Variants in CTNNA3 observed in about 807,000 individuals in gnomAD.
CTNNA3 encodes the protein catenin alpha 3, also known as catenin alpha-3.
A neutral mutation model predicts 95.7 loss-of-function variants in CTNNA3; 76 were observed. The ratio of observed to expected loss-of-function variants is 0.79; its 90% CI spans 0.66 to 0.96. The LOEUF (loss-of-function observed/expected upper bound fraction) is 0.96. Ranked by LOEUF, CTNNA3 falls within the 40% of genes least tolerant of loss-of-function variation. The pLI is 0.00. For missense variants in CTNNA3, 1,191 were observed against 1,089.8 expected (o/e 1.09, Z -1.31); for synonymous variants, 431 against 374.4 (o/e 1.15, Z -1.74).
At chr10:65,978,742 A>G (rs144498611) in intron 16 of CTNNA3, among the ~76,000 whole-genome samples, 38 of 152,250 alleles carry the variant, frequency 2.5e-4, no homozygotes, top group African/African-American at 8.7e-4. Context: ...AACTATCTCA[A>G]TGAAGAATGC....
chr10:66,094,559 A>T (rs565026241), intron 14 of CTNNA3, among the ~76,000 whole-genome samples: 1 of 152,242 alleles, frequency 6.6e-6, no homozygotes, highest in African/African-American at 2.4e-5. Flanking sequence ...CCAAGATGGC[A>T]TGAATGTTCC....
Position 67,213,644 on chromosome 10 carries a change from C to G in CTNNA3, c.843+5963G>C, listed in dbSNP as rs183734022. On this transcript the variant is annotated intron_variant, in intron 6 of 17. Transcript: ENST00000433211. Reference sequence around the variant, plus strand: ...AAGTTTTGTTGTTATTATACATTATCATTATTTCTCAGTTATAAGTATTTT... The same window carrying G: ...AAGTTTTGTTGTTATTATACATTATGATTATTTCTCAGTTATAAGTATTTT... Among the ~76,000 whole-genome samples, 641 of 151,816 alleles carry G rather than the reference C, an allele frequency of 4.2e-3. 6 individuals are homozygous for G. The highest frequency in any genetic ancestry group is 0.015 in the African/African-American group (609 of 41,512).
intron 3 of CTNNA3, among the ~76,000 whole-genome samples, chr10:67,594,371 A>C (rs1842873155): frequency 1.3e-5 from 2 of 152,122 alleles, no homozygotes; most frequent in Non-Finnish European, 2.9e-5. Flanking sequence ...TTGTGAATTC[A>C]TCTGTTCCAG....
intron 11 of CTNNA3, among the ~76,000 whole-genome samples, chr10:66,422,395 A>G (rs1048808646): frequency 6.6e-6 from 1 of 152,154 alleles, no homozygotes; most frequent in Non-Finnish European, 1.5e-5. Flanking sequence ...CAGTTTCTCC[A>G]TATCTCTCAC....
chr10:66,178,309 T>C (rs1229215439), intron 13 of CTNNA3, among the ~76,000 whole-genome samples: 1 of 149,660 alleles, frequency 6.7e-6, no homozygotes, highest in Non-Finnish European at 1.5e-5. Flanking sequence ...TATATGTATG[T>C]GTATATATTA....
At chr10:66,149,597 C>A (rs2133901967) in intron 13 of CTNNA3, among the ~76,000 whole-genome samples, 1 of 146,490 alleles carries the variant, frequency 6.8e-6, no homozygotes, top group Middle Eastern at 5.3e-3. Context: ...CACCCTTACA[C>A]TTTTAAAATA....
intron 12 of CTNNA3, among the ~76,000 whole-genome samples, chr10:66,334,194 C>A (rs904693790): frequency 2.6e-5 from 4 of 151,570 alleles, no homozygotes; most frequent in Admixed American, 2.6e-4. Context: ...GTTTGCCAGT[C>A]TGTCTTTTAA....
chr10:66,508,439 T>C (rs1840542003), intron 11 of CTNNA3, among the ~76,000 whole-genome samples: 1 of 152,048 alleles, frequency 6.6e-6, no homozygotes, highest in African/African-American at 2.4e-5. Flanking sequence ...GTTTTTAAAG[T>C]TGCTTTCAGT....
chr10:66,487,832 T>G (rs1360005377), intron 11 of CTNNA3, among the ~76,000 whole-genome samples: 7 of 152,196 alleles, frequency 4.6e-5, no homozygotes, highest in Non-Finnish European at 1.5e-5. Flanking sequence ...TAAATTTACT[T>G]AAGAAATACC....
At chr10:66,994,314 C>G (rs1851207959) in intron 7 of CTNNA3, among the ~76,000 whole-genome samples, 1 of 152,154 alleles carries the variant, frequency 6.6e-6, no homozygotes, top group African/African-American at 2.4e-5. Context: ...GTTTGCCTGG[C>G]CTTTGCTAAT....
At chr10:66,374,604 GCCTTTTT>G (rs1436388586) in intron 12 of CTNNA3, among the ~76,000 whole-genome samples, 2 of 129,090 alleles carry the variant, frequency 1.5e-5, no homozygotes, top group African/African-American at 2.9e-5. Context: ...TGAAAGAAAA[GCCTTTTT>G]TTTTTTTTTT....
At chr10:67,158,844 A>G (rs191782699) in intron 7 of CTNNA3, among the ~76,000 whole-genome samples, 71 of 152,192 alleles carry the variant, frequency 4.7e-4, no homozygotes, top group African/African-American at 1.7e-3. Context: ...ATTACAAAAA[A>G]AAAAAGTAAC....
intron 10 of CTNNA3, among the ~76,000 whole-genome samples, chr10:66,606,518 T>A (rs1844128204): frequency 6.6e-6 from 1 of 152,066 alleles, no homozygotes; most frequent in Non-Finnish European, 1.5e-5. Flanking sequence ...CAATCAGACA[T>A]AACACACTCC....
In CTNNA3 at chr10:66,148,325, A is replaced by C. The variant is rs374416282; in HGVS notation, c.1885-45076T>G. 1.3e-4 allele frequency among the ~76,000 whole-genome samples: 20 copies of C among 152,276 alleles called. No homozygotes were observed. The East Asian group carries it at 3.9e-3, about 29-fold the overall frequency. On this transcript the variant is annotated intron_variant, in intron 13 of 17. Transcript: ENST00000433211. ...GTTTAAGAAAAATCTCACCACAAAA[A>C]TGTTGCACAAATAGTATCTACTAGT... is the stretch of plus-strand genomic sequence containing the variant.
At chr10:66,546,364 C>A (rs905809309) in intron 10 of CTNNA3, among the ~76,000 whole-genome samples, 6 of 152,140 alleles carry the variant, frequency 3.9e-5, no homozygotes, top group African/African-American at 1.4e-4. Context: ...TTTGTAGCAT[C>A]AAATCATCAT....
chr10:66,457,610 A>G (rs2093503069), intron 11 of CTNNA3, among the ~76,000 whole-genome samples: 1 of 148,020 alleles, frequency 6.8e-6, no homozygotes, highest in African/African-American at 2.6e-5. Context: ...CCAAAGTTCT[A>G]GCAATCAAAG....
At chr10:67,621,504 C>A (rs1419194949) in intron 2 of CTNNA3, among the ~76,000 whole-genome samples, 1 of 152,122 alleles carries the variant, frequency 6.6e-6, no homozygotes, top group East Asian at 1.9e-4. Flanking sequence ...AATCCCAGCA[C>A]TTTGGGAGGC....
intron 12 of CTNNA3, among the ~76,000 whole-genome samples, chr10:66,365,468 G>A (rs1229802798): frequency 1.3e-5 from 2 of 152,058 alleles, no homozygotes; most frequent in African/African-American, 4.8e-5. Flanking sequence ...CAAACCACCA[G>A]GGCACGCGTA....
At chr10:66,235,945 A>C (rs190050994) in intron 13 of CTNNA3, among the ~76,000 whole-genome samples, 1 of 152,194 alleles carries the variant, frequency 6.6e-6, no homozygotes, top group African/African-American at 2.4e-5. Context: ...TCTCACGTCT[A>C]TTTTCTCATA....
Sources: allele counts gnomAD v4.1 joint callset (sites outside exome capture counted in the v4.1 genomes callset), GRCh38; gene constraint gnomAD v4.1.1; transcripts MANE v1.5; gene names NCBI Gene and HGNC (gene_info 2026-07-23, HGNC 2026-07-21).